DNAAF11: variants seen among roughly 807,000 people sequenced by gnomAD.
DNAAF11 encodes the protein leucine rich repeat containing 6.
In DNAAF11, 45 loss-of-function variants were observed where a neutral mutation model predicts 60.8. That is an observed-to-expected ratio of 0.74 (90% CI 0.58 to 0.95). The LOEUF (loss-of-function observed/expected upper bound fraction) is 0.95, where lower values mean the gene tolerates loss of function less well. Among genes scored for constraint, DNAAF11 ranks in the 40% least tolerant of loss-of-function variants. DNAAF11 has a pLI of 0.00. For synonymous variants in DNAAF11, 191 were observed against 183.5 expected, an observed-to-expected ratio of 1.04 and a Z score of -0.33; for missense variants, 546 against 546.2, an observed-to-expected ratio of 1.00 and a Z score of 0.00.
rs542672660 is a variant in DNAAF11 at position 132,587,610 on chromosome 8, A to T, written c.1141-3831T>A. ...ATTAATATCAAACATCGTCTTATTC[A>T]TTTGTGCTAAATGTGTTTAGGAATG... On this transcript the variant is annotated intron_variant, in intron 10 of 11. Coordinates refer to ENST00000620350, the MANE Select transcript of DNAAF11 (RefSeq NM_012472.6). 1.7e-3 allele frequency among the ~76,000 whole-genome samples: 265 copies of T among 151,660 alleles called. 1 individual carries two copies. The highest frequency in any genetic ancestry group is 3.4e-3 in the Middle Eastern group (1 of 294).
At chr8:132,679,792 G>A (rs144398243), upstream of DNAAF11, among the ~76,000 whole-genome samples, 4 of 152,278 alleles carry the variant, frequency 2.6e-5, no homozygotes, top group Non-Finnish European at 5.9e-5. Context: ...TGACATCCAC[G>A]TAAGACATGA....
At position 132,571,581 on chromosome 8, in the gene DNAAF11, GGGA is replaced by G. The variant is rs1814195016; in HGVS notation, c.*722_*724del. On this transcript the variant is annotated 3_prime_UTR_variant, in exon 12 of 12. Transcript: ENST00000620350. Reference sequence around the variant, plus strand: ...CAGGGAGGAGGAGAGACAGGAGAAAGGGAGGAGAAGAGAGAGGAGAAAGGGAAG... The same window carrying G: ...CAGGGAGGAGGAGAGACAGGAGAAAGGGAGAAGAGAGAGGAGAAAGGGAAG... Among the ~76,000 whole-genome samples the G allele has an allele frequency of 6.6e-6, 1 of 152,102 alleles. No individual in the cohort carries two copies. The highest frequency in any genetic ancestry group is 2.4e-5 in the African/African-American group (1 of 41,420).
intron 3 of DNAAF11, among the ~76,000 whole-genome samples, chr8:132,644,869 G>C (rs749013021): frequency 6.8e-4 from 103 of 152,204 alleles, no homozygotes; most frequent in Non-Finnish European, 6.3e-4. Context: ...CACAGCTCAA[G>C]GAGGCCTGCC....
At chr8:132,625,498 T>A in intron 5 of DNAAF11, 44 bp from the exon 6 acceptor site, 2 of 1,436,890 alleles carry the variant, frequency 1.4e-6, no homozygotes, top group African/African-American at 1.4e-5. Flanking sequence ...AATGGATTCA[T>A]GAGCTTCATC....
chr8:132,592,724 A>G lies in DNAAF11; in HGVS notation c.1141-8945T>C, dbSNP rs1244208049. Among the ~76,000 whole-genome samples, 3 of 152,192 alleles carry G rather than the reference A, an allele frequency of 2.0e-5. No individual in the cohort carries two copies. In the East Asian group the frequency reaches 5.8e-4, roughly 29 times the overall value. On this transcript the variant is annotated intron_variant, in intron 10 of 11. Coordinates refer to ENST00000620350, the MANE Select transcript of DNAAF11 (RefSeq NM_012472.6). ...TATAATACCATTGTAGTAATAAGGT[A>G]AGAGATGATTGTTATCTCTGCCAAG...
rs1268109685 is a variant in DNAAF11 at position 132,583,690 on chromosome 8, G to T, written c.1226+4C>A. The T allele has an allele frequency of 6.2e-6, 10 of 1,610,932 alleles. No homozygotes were observed. In the South Asian group the frequency reaches 9.9e-5, roughly 16 times the overall value. On this transcript the variant is annotated splice_donor_region_variant and intron_variant, in intron 11 of 11. Coordinates refer to ENST00000620350, the MANE Select transcript of DNAAF11 (RefSeq NM_012472.6). ...CAGCTAAGGACAGTCTGGGAGGGTG[G>T]TACCTTGTATTTGTTTGTTCTCTGC...
intron 2 of DNAAF11, among the ~76,000 whole-genome samples, chr8:132,658,200 G>C (rs922502051): frequency 8.5e-5 from 13 of 152,194 alleles, no homozygotes; most frequent in Non-Finnish European, 1.8e-4. Context: ...TGTTTAAATG[G>C]AGGATTTGGG....
chr8:132,612,353 A>ATG (rs546448536), intron 8 of DNAAF11, among the ~76,000 whole-genome samples: 14 of 152,306 alleles, frequency 9.2e-5, no homozygotes, highest in Admixed American at 6.5e-4. Flanking sequence ...CACATGTGAT[A>ATG]TCTACACTTA....
At chr8:132,592,326 G>A (rs1038422448) in intron 10 of DNAAF11, among the ~76,000 whole-genome samples, 1 of 152,152 alleles carries the variant, frequency 6.6e-6, no homozygotes, top group Admixed American at 6.5e-5. Flanking sequence ...GAAATTTCCC[G>A]AGGGAGTGTT....
At chr8:132,669,440 A>AC (rs367811533) in intron 1 of DNAAF11, among the ~76,000 whole-genome samples, 7 of 152,364 alleles carry the variant, frequency 4.6e-5, no homozygotes, top group African/African-American at 1.7e-4. Flanking sequence ...AAGGGAATGT[A>AC]CTAGTAAGTG....
chr8:132,691,871 G>A, the DNAAF11 span, among the ~76,000 whole-genome samples: 1 of 152,158 alleles, frequency 6.6e-6, no homozygotes, highest in Non-Finnish European at 1.5e-5. Context: ...GGAGGATTAT[G>A]AACAAGGGGG....
chr8:132,610,847 C>G (rs1404171761), intron 9 of DNAAF11, among the ~76,000 whole-genome samples: 1 of 152,060 alleles, frequency 6.6e-6, no homozygotes. Context: ...AAATAGCACT[C>G]TGTTTCATTT....
At chr8:132,700,977 C>G in the DNAAF11 span, among the ~76,000 whole-genome samples, 1 of 152,062 alleles carries the variant, frequency 6.6e-6, no homozygotes, top group African/African-American at 2.4e-5. Flanking sequence ...GTGAGAAGTT[C>G]AAGATCGAGG....
chr8:132,675,566 G>C, upstream of DNAAF11: 1 of 1,424,774 alleles, frequency 7.0e-7, no homozygotes, highest in East Asian at 2.6e-5. Context: ...CTTCACCCCT[G>C]CTCCTCAGCG....
chr8:132,654,397 T>C (rs1438802866), intron 3 of DNAAF11, among the ~76,000 whole-genome samples: 1 of 150,554 alleles, frequency 6.6e-6, no homozygotes, highest in African/African-American at 2.4e-5. Context: ...AATAGAAGAG[T>C]AGGAAAGAAA....
At chr8:132,621,098 A>G (rs1465240253) in intron 7 of DNAAF11, among the ~76,000 whole-genome samples, 3 of 152,154 alleles carry the variant, frequency 2.0e-5, no homozygotes, top group Non-Finnish European at 4.4e-5. Flanking sequence ...AAGAAGGAGC[A>G]GGGGTGCTAT....
In DNAAF11 at chr8:132,615,020, C is replaced by G. The variant is rs185791758; in HGVS notation, c.974+18G>C. The G allele has an allele frequency of 2.0e-6, 3 of 1,508,304 alleles. No homozygotes were observed. The highest frequency in any genetic ancestry group is 1.8e-5 in the Admixed American group (1 of 54,196). The allele number at this position is 1,508,304 out of a possible 1,614,324, so 93.4% of individuals were successfully genotyped here. A position where few individuals can be genotyped will look rare whatever the true frequency, so the allele number is the denominator to read the frequency against. On this transcript the variant is annotated intron_variant, in intron 8 of 11. Coordinates refer to ENST00000620350, the MANE Select transcript of DNAAF11 (RefSeq NM_012472.6). ...CAGACAGAAATGTCATAAATAAATA[C>G]GTAGAAAATGTCTTTACCTATAGAC... is the stretch of plus-strand genomic sequence containing the variant.
chr8:132,646,156 G>A (rs967249321), intron 3 of DNAAF11, among the ~76,000 whole-genome samples: 1 of 152,186 alleles, frequency 6.6e-6, no homozygotes, highest in African/African-American at 2.4e-5. Flanking sequence ...AACTCTACAA[G>A]CCAGAAGAGA....
In DNAAF11 at chr8:132,622,662, G is replaced by T. The variant is rs76147813; in HGVS notation, c.863C>A (p.Pro288His). ...LSEKKKKVKP[P>H]RTLITEDGKA... is the part of the protein sequence containing the mutation. ...CCCATCTTCAGTGATCAAAGTCCTGGGTGGTTTCACTTTCTTCTTTTTTTC... is the reference window on the plus strand; with the variant it reads ...CCCATCTTCAGTGATCAAAGTCCTGTGTGGTTTCACTTTCTTCTTTTTTTC... The change falls in exon 7 of 12, where the codon CCC (proline) becomes CAC (histidine). Residue 288 changes from proline (P) to histidine (H), a missense_variant. By Grantham distance (77) the Pro-to-His change is moderately conservative. Coordinates refer to ENST00000620350, the MANE Select transcript of DNAAF11 (RefSeq NM_012472.6). The T allele has an allele frequency of 1.1e-3, 1,800 of 1,613,428 alleles. 31 individuals are homozygous for T. In the East Asian group the frequency reaches 0.038, roughly 34 times the overall value.
Sources: allele counts gnomAD v4.1 joint callset (sites outside exome capture counted in the v4.1 genomes callset), GRCh38; gene constraint gnomAD v4.1.1; transcripts MANE v1.5; gene names NCBI Gene and HGNC (gene_info 2026-07-23, HGNC 2026-07-21).